DENND1A: variants seen among roughly 807,000 people sequenced by gnomAD.
DENND1A encodes the protein DENN domain-containing protein 1A.
DENND1A carries 51 observed loss-of-function variants against 113.7 expected under a neutral mutation model. The observed-to-expected ratio is 0.45, with a 90% CI of 0.36 to 0.57. The LOEUF (loss-of-function observed/expected upper bound fraction) is 0.57. DENND1A is among the 20% of genes least tolerant of loss of function. The pLI, the probability that DENND1A is intolerant of heterozygous loss-of-function variation, is 0.00. For synonymous variants in DENND1A, 565 were observed against 570.8 expected (o/e 0.99, Z 0.14); for missense variants, 1,258 against 1,395.9 (o/e 0.90, Z 1.57).
intron 9 of DENND1A, among the ~76,000 whole-genome samples, chr9:123,650,033 C>G (rs1006060158): frequency 6.6e-6 from 1 of 152,106 alleles, no homozygotes; most frequent in African/African-American, 2.4e-5. Flanking sequence ...TCCACTGAGA[C>G]GATGTCATGT....
chr9:123,455,532 C>G (rs2048051566), intron 15 of DENND1A, among the ~76,000 whole-genome samples: 1 of 152,172 alleles, frequency 6.6e-6, no homozygotes, highest in Admixed American at 6.5e-5. Flanking sequence ...ATGTGATGTC[C>G]TCTGGAGGCT....
chr9:123,400,304 C>A (rs973459032), intron 21 of DENND1A: 1 of 152,256 alleles, frequency 6.6e-6, no homozygotes, highest in Non-Finnish European at 1.5e-5. Context: ...AACCAAGAGT[C>A]AGCATGGGGA....
chr9:123,637,674 A>T (rs544136612), intron 9 of DENND1A, among the ~76,000 whole-genome samples: 1 of 152,310 alleles, frequency 6.6e-6, no homozygotes, highest in Admixed American at 6.5e-5. Flanking sequence ...TCTAGCAGAA[A>T]GGCAACTTAG....
In DENND1A at chr9:123,730,570, C is replaced by T. The variant is rs148748155; in HGVS notation, c.302+27133G>A. Among the ~76,000 whole-genome samples, 105 of 152,266 alleles carry T rather than the reference C, an allele frequency of 6.9e-4. No individual in the cohort carries two copies. The East Asian group carries it at 0.019, about 27-fold the overall frequency. On this transcript the variant is annotated intron_variant, in intron 5 of 23. Coordinates refer to ENST00000394215, the MANE Select transcript of DENND1A (RefSeq NM_001352964.2). ...ACGACAATGAGATACCATCTCACCC[C>T]AGTTAGAATGGCAATCATTAAAAAG...
At position 123,380,621 on chromosome 9, in the gene DENND1A, T is replaced by TGACA. The variant is rs1450234201; in HGVS notation, c.*807_*810dup. ...ATGACAAGAGGCTGAGCCCCAGCTT[T>TGACA]GACAGTGAGGGGAGTACCTGGAGGT... is the stretch of plus-strand genomic sequence containing the variant. On this transcript the variant is annotated 3_prime_UTR_variant, in exon 24 of 24. Coordinates refer to ENST00000394215, the MANE Select transcript of DENND1A (RefSeq NM_001352964.2). 3 of 152,470 alleles carry TGACA rather than the reference T, an allele frequency of 2.0e-5. No homozygotes were observed. The highest frequency in any genetic ancestry group is 1.3e-4 in the Admixed American group (2 of 15,288). 9.4% of individuals were successfully genotyped at this position (152,470 alleles called of 1,614,324 possible).
At chr9:123,427,908 G>C (rs1437570416) in intron 19 of DENND1A, among the ~76,000 whole-genome samples, 2 of 152,186 alleles carry the variant, frequency 1.3e-5, no homozygotes, top group African/African-American at 4.8e-5. Context: ...TGTTGGTCTT[G>C]CACCTGGAAG....
At chr9:123,582,959 A>G (rs1020258316) in intron 12 of DENND1A, among the ~76,000 whole-genome samples, 1 of 151,976 alleles carries the variant, frequency 6.6e-6, no homozygotes, top group Non-Finnish European at 1.5e-5. Flanking sequence ...TCGGCCTCCC[A>G]AAGTGCTGGG....
chr9:123,464,994 CAAAAAAAA>C (rs10655282), intron 13 of DENND1A, among the ~76,000 whole-genome samples: 1 of 70,572 alleles, frequency 1.4e-5, no homozygotes, highest in African/African-American at 6.0e-5. Context: ...ACTAAAAATA[CAAAAAAAA>C]AAAAAAAAAA....
At chr9:123,748,344 G>A (rs1238849905) in intron 5 of DENND1A, among the ~76,000 whole-genome samples, 3 of 152,210 alleles carry the variant, frequency 2.0e-5, no homozygotes, top group African/African-American at 7.2e-5. Flanking sequence ...ATGAGAAAGT[G>A]TATCTTTATA....
At chr9:123,468,325 G>C (rs1214041526) in intron 13 of DENND1A, among the ~76,000 whole-genome samples, 1 of 152,162 alleles carries the variant, frequency 6.6e-6, no homozygotes, top group Non-Finnish European at 1.5e-5. Context: ...CTATTCACCA[G>C]AATTACCTGG....
At chr9:123,862,409 T>C (rs550747460) in intron 2 of DENND1A, among the ~76,000 whole-genome samples, 9 of 152,320 alleles carry the variant, frequency 5.9e-5, no homozygotes, top group Middle Eastern at 3.4e-3. Flanking sequence ...TCTATTTTCT[T>C]TGAGCTAACA....
chr9:123,632,352 C>T (rs1374715203), intron 9 of DENND1A, among the ~76,000 whole-genome samples: 1 of 152,098 alleles, frequency 6.6e-6, no homozygotes, highest in Non-Finnish European at 1.5e-5. Context: ...TCCATAGGTA[C>T]CCATATAAAG....
chr9:123,514,956 G>C (rs1314819803), intron 13 of DENND1A, among the ~76,000 whole-genome samples: 1 of 152,212 alleles, frequency 6.6e-6, no homozygotes. Context: ...ATGAACCTCA[G>C]GCAGTTTGGC....
At chr9:123,711,517 A>ATATATATG (rs2066620671) in intron 5 of DENND1A, among the ~76,000 whole-genome samples, 2 of 85,314 alleles carry the variant, frequency 2.3e-5, no homozygotes, top group Non-Finnish European at 4.1e-5. Context: ...ATATATGTAT[A>ATATATATG]TATATATATA....
At chr9:123,391,929 G>A (rs193165889) in intron 21 of DENND1A, among the ~76,000 whole-genome samples, 223 of 152,286 alleles carry the variant, frequency 1.5e-3, no homozygotes, top group African/African-American at 5.1e-3. Context: ...CAGAGTCTTG[G>A]TGCAGAAGAA....
intron 13 of DENND1A, among the ~76,000 whole-genome samples, chr9:123,504,227 G>A (rs1471775302): frequency 1.3e-5 from 2 of 152,082 alleles, no homozygotes; most frequent in African/African-American, 4.8e-5. Flanking sequence ...CTCGCCCTTC[G>A]AGGTCCCGCC....
At chr9:123,893,756 T>C (rs1033577392) in intron 1 of DENND1A, among the ~76,000 whole-genome samples, 5 of 152,316 alleles carry the variant, frequency 3.3e-5, no homozygotes, top group Admixed American at 2.6e-4. Context: ...TAAGTGGCAG[T>C]GTATGAACTC....
chr9:123,395,468 C>CTCTCTGTGTATG (rs367751848), intron 21 of DENND1A, among the ~76,000 whole-genome samples: 1 of 142,890 alleles, frequency 7.0e-6, no homozygotes, highest in African/African-American at 2.7e-5. Context: ...CTCTCTCTCT[C>CTCTCTGTGTATG]TGTGTGTGTG....
At chr9:123,495,151 C>CTCTCTCTCTCTCTCTCTCTT (rs2051782972) in intron 13 of DENND1A, among the ~76,000 whole-genome samples, 1 of 148,628 alleles carries the variant, frequency 6.7e-6, no homozygotes, top group Admixed American at 6.7e-5. Flanking sequence ...TTCTCTCTCT[C>CTCTCTCTCTCTCTCTCTCTT]TCTCTCTCTC....
Sources: allele counts gnomAD v4.1 joint callset (sites outside exome capture counted in the v4.1 genomes callset), GRCh38; gene constraint gnomAD v4.1.1; transcripts MANE v1.5; gene names NCBI Gene and HGNC (gene_info 2026-07-23, HGNC 2026-07-21).